PIWIL3: variants seen among roughly 807,000 people sequenced by gnomAD.
PIWIL3 encodes piwi-like protein 3.
In PIWIL3, 101 loss-of-function variants were observed where a neutral mutation model predicts 109.7. The observed-to-expected ratio is 0.92, with a 90% CI of 0.78 to 1.09. The LOEUF (loss-of-function observed/expected upper bound fraction) is 1.09, where lower values mean the gene tolerates loss of function less well. PIWIL3 is among the 50% of genes least tolerant of loss of function. The pLI, the probability that PIWIL3 is intolerant of heterozygous loss-of-function variation, is 0.00. For missense variants in PIWIL3, 1,031 were observed against 1,072.6 expected, an observed-to-expected ratio of 0.96 and a Z score of 0.54; for synonymous variants, 373 against 376.4, an observed-to-expected ratio of 0.99 and a Z score of 0.10.
chr22:24,766,278 TGCCTA>T (rs1256478791), intron 1 of PIWIL3, among the ~76,000 whole-genome samples: 1 of 151,544 alleles, frequency 6.6e-6, no homozygotes, highest in Admixed American at 6.6e-5. Context: ...TGAGCCACCA[TGCCTA>T]GCCTAGGTTT....
At chr22:24,755,276 C>A (rs924641520) in intron 6 of PIWIL3, among the ~76,000 whole-genome samples, 13 of 152,318 alleles carry the variant, frequency 8.5e-5, no homozygotes, top group Non-Finnish European at 1.3e-4. Context: ...GCACCTGCCA[C>A]CATGCCTGGC....
intron 9 of PIWIL3, 149 bp from the exon 10 acceptor site, chr22:24,749,968 G>T: frequency 9.6e-7 from 1 of 1,045,794 alleles, no homozygotes; most frequent in Non-Finnish European, 1.4e-6. Context: ...AGTGTACTAT[G>T]AATACTCTCA....
chr22:24,773,092 A>G (rs966109331), intron 1 of PIWIL3, among the ~76,000 whole-genome samples: 1 of 152,164 alleles, frequency 6.6e-6, no homozygotes, highest in African/African-American at 2.4e-5. Flanking sequence ...GACAGTAGAA[A>G]GCTGTGTGCC....
chr22:24,743,389 C>T (rs962927309), intron 12 of PIWIL3, among the ~76,000 whole-genome samples: 8 of 152,216 alleles, frequency 5.3e-5, no homozygotes, highest in African/African-American at 1.9e-4. Flanking sequence ...GATACTTGCA[C>T]ATGCAAGTTT....
intron 2 of PIWIL3, among the ~76,000 whole-genome samples, chr22:24,761,682 G>C (rs190378116): frequency 1.3e-5 from 2 of 152,058 alleles, no homozygotes; most frequent in Non-Finnish European, 2.9e-5. Context: ...CCAGTGAGGG[G>C]CTGGACTATG....
rs1322833996 is a variant in PIWIL3, at chr22:24,751,399, G to A, written c.1077C>T (p.Asp359=). 2 of 1,612,068 alleles carry A rather than the reference G, an allele frequency of 1.2e-6. No individual in the cohort carries two copies. The highest frequency in any genetic ancestry group is 1.7e-6 in the Non-Finnish European group (2 of 1,179,486). The change falls in exon 9 of 21, where the codon GAC becomes GAT. Residue 359 remains aspartate (D), a synonymous_variant. Transcript: ENST00000616349. ...TACAGTTTCATACCTGCCTGTAGTAGTCTATATAGGTGATTTTGCTGCCAT... is the reference window on the plus strand; with the variant it reads ...TACAGTTTCATACCTGCCTGTAGTAATCTATATAGGTGATTTTGCTGCCAT... ...KSDGSKITYI[D]YYRQQHKEIV...
intron 14 of PIWIL3, among the ~76,000 whole-genome samples, chr22:24,732,111 TCA>T (rs1348263343): frequency 6.6e-6 from 1 of 152,230 alleles, no homozygotes; most frequent in African/African-American, 2.4e-5. Context: ...TTTATGAAGT[TCA>T]CATTTTATTT....
At position 24,769,979 on chromosome 22, in the gene PIWIL3, T is replaced by G. The variant is rs1926039545; in HGVS notation, c.-23+4343A>C. Among the ~76,000 whole-genome samples the G allele has an allele frequency of 3.3e-5, 5 of 152,066 alleles. No homozygotes were observed. The South Asian group carries it at 1.0e-3, about 32-fold the overall frequency. ...GGGCTGTGGGTTGGACAAGCTTGGT[T>G]TAAAGGATAATGACAAAAAAAAGTG... is the stretch of plus-strand genomic sequence containing the variant. On this transcript the variant is annotated intron_variant, in intron 1 of 20. Transcript: ENST00000616349.
chr22:24,720,428 C>T (rs1466212153), intron 19 of PIWIL3, among the ~76,000 whole-genome samples: 1 of 151,870 alleles, frequency 6.6e-6, no homozygotes, highest in African/African-American at 2.4e-5. Flanking sequence ...CCCACCACCA[C>T]ACCCGGCTAA....
intron 1 of PIWIL3, among the ~76,000 whole-genome samples, chr22:24,765,182 T>C (rs981565793): frequency 2.0e-5 from 3 of 152,322 alleles, no homozygotes; most frequent in Non-Finnish European, 4.4e-5. Context: ...TTCACTGAAA[T>C]GTTTGGATTC....
Position 24,724,868 on chromosome 22 carries a change from T to A in PIWIL3, c.2231+19A>T, listed in dbSNP as rs565767657. 2.1e-5 allele frequency: 33 copies of A among 1,608,420 alleles called. 1 individual carries two copies. In the South Asian group the frequency reaches 3.4e-4, roughly 17 times the overall value. On this transcript the variant is annotated intron_variant, in intron 18 of 20. Coordinates refer to ENST00000616349, the MANE Select transcript of PIWIL3 (RefSeq NM_001255975.1). ...ATTACAGGCATGAGTCACTACACAT[T>A]ACAATTAATACAACCTACTTGTTAG...
chr22:24,744,305 G>GCACC (rs1924223113), intron 12 of PIWIL3, among the ~76,000 whole-genome samples: 1 of 151,828 alleles, frequency 6.6e-6, no homozygotes, highest in Non-Finnish European at 1.5e-5. Context: ...AGGTGCGGTG[G>GCACC]CTCATGCCTG....
chr22:24,749,058 ATAAG>A, intron 11 of PIWIL3, 37 bp from the exon 12 acceptor site: 3 of 1,508,180 alleles, frequency 2.0e-6, no homozygotes, highest in Non-Finnish European at 2.7e-6. Flanking sequence ...ATCAAACCAA[ATAAG>A]TAAAAGCAGC....
chr22:24,738,225 G>A (rs1206560756), intron 12 of PIWIL3, among the ~76,000 whole-genome samples: 1 of 152,198 alleles, frequency 6.6e-6, no homozygotes, highest in Admixed American at 6.5e-5. Flanking sequence ...TGCCAGCTCA[G>A]CCACAGTACA....
At chr22:24,730,123 T>C (rs114265860) in intron 14 of PIWIL3, among the ~76,000 whole-genome samples, 2,674 of 152,188 alleles carry the variant, frequency 0.018, 85 homozygotes, top group African/African-American at 0.06. Flanking sequence ...TCCCAGTACT[T>C]TGGGATGCCA....
chr22:24,741,117 A>G (rs529281146), intron 12 of PIWIL3, among the ~76,000 whole-genome samples: 1 of 152,350 alleles, frequency 6.6e-6, no homozygotes, highest in Non-Finnish European at 1.5e-5. Context: ...ATGCAAGTCA[A>G]TAAACGTGCT....
At chr22:24,771,077 C>T (rs1266140681) in intron 1 of PIWIL3, among the ~76,000 whole-genome samples, 1 of 152,010 alleles carries the variant, frequency 6.6e-6, no homozygotes, top group African/African-American at 2.4e-5. Flanking sequence ...TGCCAAGTTT[C>T]CCTTTTTAAA....
At chr22:24,757,079 C>CAAAAAAAAAAAAAAAAAAAAAAAA (rs71189275) in intron 4 of PIWIL3, among the ~76,000 whole-genome samples, 23 of 91,728 alleles carry the variant, frequency 2.5e-4, no homozygotes, top group South Asian at 7.9e-4. Flanking sequence ...AACTCCGTCT[C>CAAAAAAAAAAAAAAAAAAAAAAAA]AAAAAAAAAA....
intron 19 of PIWIL3, among the ~76,000 whole-genome samples, chr22:24,722,585 C>T (rs1922736953): frequency 6.6e-6 from 1 of 151,970 alleles, no homozygotes; most frequent in African/African-American, 2.4e-5. Flanking sequence ...TGGTGGTAGG[C>T]ACCTGTAAGC....
Sources: allele counts gnomAD v4.1 joint callset (sites outside exome capture counted in the v4.1 genomes callset), GRCh38; gene constraint gnomAD v4.1.1; transcripts MANE v1.5; gene names NCBI Gene and HGNC (gene_info 2026-07-23, HGNC 2026-07-21).